VEPH1: variants seen among roughly 807,000 people sequenced by gnomAD.
VEPH1 encodes ventricular zone expressed PH domain containing 1, also known as ventricular zone-expressed PH domain-containing protein homolog 1.
Under a neutral mutation model 85.2 loss-of-function variants are expected in VEPH1, and 80 were observed. The ratio of observed to expected loss-of-function variants is 0.94; its 90% CI spans 0.78 to 1.13. The LOEUF (loss-of-function observed/expected upper bound fraction) is 1.13. VEPH1 is among the 50% of genes most tolerant of loss of function. The pLI is 0.00. For synonymous variants in VEPH1, 297 were observed against 348.0 expected (o/e 0.85, Z 1.63); for missense variants, 955 against 980.5 (o/e 0.97, Z 0.35).
Position 157,317,154 on chromosome 3 carries a change from T to C in VEPH1, c.1783A>G (p.Lys595Glu). ...VAKLFFTCSLKGHYCLYSKSS... is the reference protein window; with the variant it reads ...VAKLFFTCSLEGHYCLYSKSS... ...TTACTGTATAGGCAGTAATGACCCT[T>C]CAGGGAGCAGGTGAAGAACAACTTT... Residue 595 changes from lysine to glutamate, a missense_variant, in exon 10 of 14, where the codon AAG (lysine) becomes GAG (glutamate). Coordinates refer to ENST00000362010, the MANE Select transcript of VEPH1 (RefSeq NM_001167912.2). The C allele has an allele frequency of 6.2e-7, 1 of 1,613,062 alleles. No individual in the cohort carries two copies. The highest frequency in any genetic ancestry group is 8.5e-7 in the Non-Finnish European group (1 of 1,179,436).
At chr3:157,315,865 T>C (rs1720697062) in intron 10 of VEPH1, 1 of 151,460 alleles carries the variant, frequency 6.6e-6, no homozygotes, top group South Asian at 2.1e-4. Flanking sequence ...ATAAAACCAC[T>C]GATGAAAACT....
chr3:157,334,446 A>C (rs1319202694), intron 9 of VEPH1, among the ~76,000 whole-genome samples: 1 of 152,218 alleles, frequency 6.6e-6, no homozygotes, highest in Non-Finnish European at 1.5e-5. Flanking sequence ...AGTTCTGAAA[A>C]ATGTTACAGA....
intron 2 of VEPH1, among the ~76,000 whole-genome samples, chr3:157,477,120 C>G (rs9809776): frequency 6.6e-6 from 1 of 151,764 alleles, no homozygotes; most frequent in Non-Finnish European, 1.5e-5. Context: ...GGTCAGAAGT[C>G]AAAAATCAGT....
intron 5 of VEPH1, 50 bp from the exon 6 acceptor site, chr3:157,414,140 A>G (rs1358810892): frequency 7.1e-7 from 1 of 1,411,344 alleles, no homozygotes; most frequent in African/African-American, 1.4e-5. Context: ...AGAAAGAGAA[A>G]AGTTAATTAA....
chr3:157,456,758 GT>G (rs201898661), intron 4 of VEPH1, among the ~76,000 whole-genome samples: 8,930 of 152,136 alleles, frequency 0.059, 361 homozygotes, highest in Non-Finnish European at 0.085. Context: ...GTACCATGCT[GT>G]TTTGCTTACT....
At chr3:157,445,693 G>T (rs889264694) in intron 4 of VEPH1, among the ~76,000 whole-genome samples, 1 of 152,086 alleles carries the variant, frequency 6.6e-6, no homozygotes, top group Admixed American at 6.5e-5. Context: ...GGAGGGTGAG[G>T]CAGGAGAATC....
intron 5 of VEPH1, among the ~76,000 whole-genome samples, chr3:157,424,000 T>C (rs1732548122): frequency 6.6e-6 from 1 of 152,184 alleles, no homozygotes; most frequent in African/African-American, 2.4e-5. Flanking sequence ...TCATATTCAC[T>C]GTGCACACAT....
At chr3:157,503,099 T>C (rs1460028319) in intron 1 of VEPH1, among the ~76,000 whole-genome samples, 178 bp downstream of exon 1, 1 of 152,208 alleles carries the variant, frequency 6.6e-6, no homozygotes, top group East Asian at 1.9e-4. Context: ...AATGCCTGCA[T>C]ACATGGCTAG....
chr3:157,501,307 G>T (rs2109794782), intron 1 of VEPH1, among the ~76,000 whole-genome samples: 1 of 152,264 alleles, frequency 6.6e-6, no homozygotes, highest in African/African-American at 2.4e-5. Context: ...GTTTCCTGGA[G>T]AGATAGTTTT....
chr3:157,326,521 A>C (rs1454564213), intron 9 of VEPH1, among the ~76,000 whole-genome samples: 2 of 152,218 alleles, frequency 1.3e-5, no homozygotes, highest in Non-Finnish European at 2.9e-5. Context: ...TTAGCCTATC[A>C]TTCCTGAACA....
intron 2 of VEPH1, among the ~76,000 whole-genome samples, chr3:157,485,361 C>A (rs1195331188): frequency 6.6e-6 from 1 of 152,146 alleles, no homozygotes. Context: ...GCCTGGCCAA[C>A]AGCAATTGGA....
At chr3:157,452,692 A>T (rs977401514) in intron 4 of VEPH1, among the ~76,000 whole-genome samples, 3 of 152,116 alleles carry the variant, frequency 2.0e-5, no homozygotes, top group African/African-American at 4.8e-5. Context: ...ACAGGCTGGG[A>T]AAATAAAAAT....
At chr3:157,457,674 G>A (rs965806660) in intron 4 of VEPH1, among the ~76,000 whole-genome samples, 9 of 152,154 alleles carry the variant, frequency 5.9e-5, no homozygotes, top group Admixed American at 5.9e-4. Context: ...CACATTTATT[G>A]ATTTGCATAT....
chr3:157,363,357 C>T lies in VEPH1; in HGVS notation c.1735+7G>A. ...TTTCTCAGGTTTGGGAAGTACACAA[C>T]ACTTACCTTCAATGGTACACTGATC... On this transcript the variant is annotated splice_region_variant and intron_variant, in intron 9 of 13. Transcript: ENST00000362010. The T allele has an allele frequency of 1.3e-6, 2 of 1,581,906 alleles. No individual in the cohort carries two copies. Among genetic ancestry groups the T allele is most frequent in the Non-Finnish European group, 1.7e-6 (2 of 1,168,724 alleles).
rs115881650 is a variant in VEPH1, at chr3:157,471,107, T to C, written c.139-578A>G. Among the ~76,000 whole-genome samples, 1,407 of 152,260 alleles carry C rather than the reference T, an allele frequency of 9.2e-3. 18 individuals are homozygous for C. Among genetic ancestry groups the C allele is most frequent in the African/African-American group, 0.032 (1,343 of 41,548 alleles). ...GAGAAATAATGGGACCTCCAAAACATCTAAATGTGAAAAACAGACCCACTG... is the reference window on the plus strand; with the variant it reads ...GAGAAATAATGGGACCTCCAAAACACCTAAATGTGAAAAACAGACCCACTG... On this transcript the variant is annotated intron_variant, in intron 2 of 13. Transcript: ENST00000362010.
chr3:157,467,611 G>T (rs1736511406), intron 3 of VEPH1, among the ~76,000 whole-genome samples: 1 of 152,200 alleles, frequency 6.6e-6, no homozygotes, highest in Non-Finnish European at 1.5e-5. Context: ...GACCTCCAGG[G>T]GTGGCCAGGA....
intron 7 of VEPH1, among the ~76,000 whole-genome samples, chr3:157,374,435 C>G (rs1042499131): frequency 2.6e-5 from 4 of 152,218 alleles, no homozygotes; most frequent in African/African-American, 9.6e-5. Flanking sequence ...CTTCCCTGAA[C>G]CAACAGCTGC....
chr3:157,487,428 G>C (rs1238937762), intron 2 of VEPH1, among the ~76,000 whole-genome samples: 1 of 152,036 alleles, frequency 6.6e-6, no homozygotes, highest in Non-Finnish European at 1.5e-5. Context: ...TGAATCAGTA[G>C]TTTAAAAATC....
At chr3:157,405,401 A>G (rs1235790427) in intron 6 of VEPH1, among the ~76,000 whole-genome samples, 1 of 152,162 alleles carries the variant, frequency 6.6e-6, no homozygotes, top group Non-Finnish European at 1.5e-5. Context: ...ACATAGGATT[A>G]CATTTACTTA....
Sources: gnomAD v4.1 joint callset for allele counts (sites outside exome capture counted in the v4.1 genomes callset) on GRCh38, gnomAD v4.1.1 for gene constraint, MANE v1.5 for transcripts, NCBI Gene and HGNC (gene_info 2026-07-23, HGNC 2026-07-21) for gene names.